Variants in CCDC158 observed in about 807,000 individuals in gnomAD.
CCDC158 encodes coiled-coil domain-containing protein 158.
CCDC158 carries 116 observed loss-of-function variants against 138.6 expected under a neutral mutation model. The observed-to-expected ratio is 0.84, with a 90% CI of 0.72 to 0.98. The LOEUF is 0.98. Ranked by LOEUF, CCDC158 falls within the 50% of genes least tolerant of loss-of-function variation. The pLI is 0.00. For missense variants in CCDC158, 1,265 were observed against 1,306.1 expected (o/e 0.97, Z 0.48); for synonymous variants, 436 against 442.4 (o/e 0.99, Z 0.18).
intron 4 of CCDC158, among the ~76,000 whole-genome samples, chr4:76,388,177 T>C (rs1484928371): frequency 6.6e-6 from 1 of 152,162 alleles, no homozygotes. Flanking sequence ...GAAAGACTCC[T>C]TCTGTTTGAG....
intron 9 of CCDC158, among the ~76,000 whole-genome samples, 168 bp downstream of exon 9, chr4:76,379,122 G>A (rs1725984021): frequency 6.6e-6 from 1 of 152,084 alleles, no homozygotes. Flanking sequence ...AATAAAAATA[G>A]TTTATAAATA....
chr4:76,406,405 C>T (rs28398039), intron 2 of CCDC158, among the ~76,000 whole-genome samples: 4,466 of 152,236 alleles, frequency 0.029, 218 homozygotes, highest in African/African-American at 0.1. Context: ...TAGTATGAGA[C>T]AGGCCAAGTG....
At chr4:76,373,087 G>C (rs1371374618) in intron 9 of CCDC158, among the ~76,000 whole-genome samples, 3 of 152,188 alleles carry the variant, frequency 2.0e-5, no homozygotes, top group African/African-American at 7.2e-5. Flanking sequence ...GGCCTCAGGT[G>C]ATCCACCCGC....
At chr4:76,371,691 A>G (rs1412387110) in intron 9 of CCDC158, among the ~76,000 whole-genome samples, 155 bp from the exon 10 acceptor site, 5 of 152,330 alleles carry the variant, frequency 3.3e-5, no homozygotes, top group South Asian at 4.1e-4. Flanking sequence ...TAATCCCAGC[A>G]CTTTGGGAGG....
intron 24 of CCDC158, 97 bp from the exon 25 acceptor site, chr4:76,313,343 G>T: frequency 1.6e-6 from 1 of 630,210 alleles, no homozygotes; most frequent in Non-Finnish European, 2.6e-6. Flanking sequence ...GTATAGAATA[G>T]ACATGTTCTG....
chr4:76,375,447 T>C (rs1876535), intron 9 of CCDC158: 196,935 of 558,350 alleles, frequency 0.35, 40,579 homozygotes, highest in Non-Finnish European at 0.44. Context: ...TGGCGGTGCA[T>C]TGGCAGAACT....
Position 76,367,371 on chromosome 4 carries a change from C to T in CCDC158, c.1753G>A (p.Ala585Thr). 6.2e-7 allele frequency: 1 copy of T among 1,614,242 alleles called. No individual in the cohort carries two copies. The highest frequency in any genetic ancestry group is 8.5e-7 in the Non-Finnish European group (1 of 1,180,036). ...GCTTTTTCTACTTGCATAGCTCCAGCAGTTCGTCCATGCTGGCCCACCAGC... is the reference window on the plus strand; with the variant it reads ...GCTTTTTCTACTTGCATAGCTCCAGTAGTTCGTCCATGCTGGCCCACCAGC... ...TQLVGQHGRT[A>T]GAMQVEKAQL... Residue 585 changes from alanine to threonine, a missense_variant, in exon 12 of 25, where the codon GCT becomes ACT. By Grantham distance (58) the Ala-to-Thr change is moderately conservative. Transcript: ENST00000682701.
chr4:76,346,340 A>G (rs1722542920), intron 18 of CCDC158, among the ~76,000 whole-genome samples: 1 of 152,236 alleles, frequency 6.6e-6, no homozygotes, highest in Admixed American at 6.5e-5. Flanking sequence ...AGACTTCATG[A>G]CTAAAACACC....
At chr4:76,410,307 C>A (rs1729197999) in intron 2 of CCDC158, among the ~76,000 whole-genome samples, 1 of 152,180 alleles carries the variant, frequency 6.6e-6, no homozygotes, top group Non-Finnish European at 1.5e-5. Context: ...ACCTCAGCCT[C>A]CTGAGTAGCT....
In CCDC158 at chr4:76,390,403, C is replaced by G. The variant is rs534427590; in HGVS notation, c.289-5738G>C. Among the ~76,000 whole-genome samples, 29 of 151,950 alleles carry G rather than the reference C, an allele frequency of 1.9e-4. No individual in the cohort carries two copies. The South Asian group carries it at 6.0e-3, about 32-fold the overall frequency. On this transcript the variant is annotated intron_variant, in intron 4 of 24. Transcript: ENST00000682701. ...TACGCAGAAAATAAAAGCAAGAAAT[C>G]AAAGCATGGTAGTGGGTTATCAGAA... is the stretch of plus-strand genomic sequence containing the variant.
intron 7 of CCDC158, 55 bp downstream of exon 7, chr4:76,383,607 G>T: frequency 1.5e-6 from 2 of 1,298,472 alleles, no homozygotes; most frequent in Non-Finnish European, 2.2e-6. Flanking sequence ...CCGAAACACT[G>T]TAAAACTGTG....
At chr4:76,391,990 G>A (rs1033627048) in intron 4 of CCDC158, among the ~76,000 whole-genome samples, 6 of 150,758 alleles carry the variant, frequency 4.0e-5, no homozygotes, top group African/African-American at 1.5e-4. Flanking sequence ...ACCTGAACAA[G>A]TCCCAGTAAA....
At chr4:76,356,306 T>G (rs1212336344) in intron 14 of CCDC158, among the ~76,000 whole-genome samples, 1 of 152,204 alleles carries the variant, frequency 6.6e-6, no homozygotes, top group East Asian at 1.9e-4. Flanking sequence ...GCTCACCACT[T>G]TGAAGAATTA....
At chr4:76,345,484 C>T in intron 18 of CCDC158, 1 of 928,894 alleles carries the variant, frequency 1.1e-6, no homozygotes, top group Non-Finnish European at 1.8e-6. Flanking sequence ...AAGAGAGTGG[C>T]AGCATTTAGA....
intron 18 of CCDC158, among the ~76,000 whole-genome samples, chr4:76,336,085 G>A (rs185269763): frequency 0.011 from 1,608 of 148,614 alleles, 24 homozygotes; most frequent in African/African-American, 0.037. Flanking sequence ...GGGAGGCTGA[G>A]GCAGGAGAAT....
chr4:76,396,318 AAAACACGTTCAAAGT>A lies in CCDC158; in HGVS notation c.224_238del (p.His75_Val79del). 2 of 1,613,990 alleles carry A rather than the reference AAAACACGTTCAAAGT, an allele frequency of 1.2e-6. No homozygotes were observed. The highest frequency in any genetic ancestry group is 1.7e-6 in the Non-Finnish European group (2 of 1,179,940). On this transcript the variant is annotated inframe_deletion, in exon 4 of 25. Coordinates refer to ENST00000682701, the MANE Select transcript of CCDC158 (RefSeq NM_001394954.1). Reference sequence around the variant, plus strand: ...TTTGACTTGATGTGAATATTCTTCCAAAACACGTTCAAAGTGTTCCTTTCCAGGAGATGGGATGAT... The same window carrying A: ...TTTGACTTGATGTGAATATTCTTCCAGTTCCTTTCCAGGAGATGGGATGAT...
Position 76,396,416 on chromosome 4 carries a change from A to C in CCDC158, c.141T>G (p.Thr47=), listed in dbSNP as rs1727803263. ...TIIENTSSAG[T]LTQVPFFPKY... is the part of the protein sequence containing the mutation. ...TAGGGAAAAAAGGAACCTGTGTCAA[A>C]GTCCCAGCTGAAGATGTGTTTTCAA... The change falls in exon 4 of 25, where the codon ACT becomes ACG. Residue 47 remains threonine (T), a synonymous_variant. Transcript: ENST00000682701. The C allele has an allele frequency of 6.2e-7, 1 of 1,614,114 alleles. No individual in the cohort carries two copies. The highest frequency in any genetic ancestry group is 1.6e-4 in the Middle Eastern group (1 of 6,062).
chr4:76,384,433 G>T lies in CCDC158; in HGVS notation c.399-18C>A. The T allele has an allele frequency of 6.3e-7, 1 of 1,593,216 alleles. No individual in the cohort carries two copies. Among genetic ancestry groups the T allele is most frequent in the South Asian group, 1.1e-5 (1 of 88,242 alleles). On this transcript the variant is annotated intron_variant, in intron 5 of 24. Transcript: ENST00000682701. ...CCCTTCGTCTATGAAATAAATGAAA[G>T]AAAATAAATAACATTGATAAAACTC...
At chr4:76,387,137 G>T (rs762009530) in intron 4 of CCDC158, among the ~76,000 whole-genome samples, 6 of 152,110 alleles carry the variant, frequency 3.9e-5, no homozygotes, top group Non-Finnish European at 7.4e-5. Flanking sequence ...AACCCCAGAC[G>T]GTGTAGCTTG....
Sources: gnomAD v4.1 joint callset for allele counts (sites outside exome capture counted in the v4.1 genomes callset) on GRCh38, gnomAD v4.1.1 for gene constraint, MANE v1.5 for transcripts, NCBI Gene and HGNC (gene_info 2026-07-23, HGNC 2026-07-21) for gene names.